ETS1: variants seen among roughly 807,000 people sequenced by gnomAD.
ETS1 encodes the protein ETS proto-oncogene 1, transcription factor.
ETS1 carries 15 observed loss-of-function variants against 58.6 expected under a neutral mutation model. That is an observed-to-expected ratio of 0.26 (90% confidence interval 0.17 to 0.39). The LOEUF (loss-of-function observed/expected upper bound fraction) is 0.39. ETS1 is among the 10% of genes least tolerant of loss of function. The pLI, the probability that ETS1 is intolerant of heterozygous loss-of-function variation, is 1.00. For missense variants in ETS1, 417 were observed against 610.5 expected (o/e 0.68, Z 3.34); for synonymous variants, 214 against 218.2 (o/e 0.98, Z 0.17).
At chr11:128,568,385 G>A (rs1864549879) in intron 2 of ETS1, among the ~76,000 whole-genome samples, 1 of 152,258 alleles carries the variant, frequency 6.6e-6, no homozygotes, top group Non-Finnish European at 1.5e-5. Context: ...AAAGTACTGG[G>A]CTTGCAAGGG....
intron 3 of ETS1, among the ~76,000 whole-genome samples, chr11:128,511,396 A>T (rs1178047324): frequency 1.3e-5 from 2 of 152,218 alleles, no homozygotes; most frequent in Non-Finnish European, 2.9e-5. Context: ...AACCTATAGG[A>T]TCATTCACAC....
chr11:128,585,124 GAA>G (rs778997535), intron 1 of ETS1, among the ~76,000 whole-genome samples: 77 of 6,448 alleles, frequency 0.012, 12 homozygotes, highest in African/African-American at 0.048. Context: ...AGGAAAGAAA[GAA>G]GAAAGAAAGA....
rs1052771049 is a variant in ETS1 at position 128,584,999 on chromosome 11, G to A, written c.-15+2489C>T. ...GAAAGAAAGAAAGAAAGGAAGGAAGGAAGGAAAGAAAGGAAAGAAAGAAGA... is the reference window on the plus strand; with the variant it reads ...GAAAGAAAGAAAGAAAGGAAGGAAGAAAGGAAAGAAAGGAAAGAAAGAAGA... On this transcript the variant is annotated intron_variant, in intron 1 of 9. Coordinates refer to ENST00000392668, the MANE Select transcript of ETS1 (RefSeq NM_001143820.2). Among the ~76,000 whole-genome samples the A allele has an allele frequency of 2.1e-3, 84 of 39,568 alleles. 4 individuals are homozygous for A. Among genetic ancestry groups the A allele is most frequent in the Non-Finnish European group, 2.4e-3 (53 of 21,810 alleles). The allele number at this position is 39,568 out of a possible 152,430, so 26.0% of individuals were successfully genotyped here. A position where few individuals can be genotyped will look rare whatever the true frequency, so the allele number is the denominator to read the frequency against.
At chr11:128,581,356 A>C (rs1184708219) in intron 1 of ETS1, among the ~76,000 whole-genome samples, 2 of 152,204 alleles carry the variant, frequency 1.3e-5, no homozygotes, top group African/African-American at 4.8e-5. Context: ...CCTGAAGATC[A>C]AAGGTAATAT....
At chr11:128,522,270 C>T in intron 3 of ETS1, 2 of 1,138,818 alleles carry the variant, frequency 1.8e-6, no homozygotes, top group Non-Finnish European at 2.2e-6. Context: ...TCGCCCGCTC[C>T]CTCCTCTCCG....
In ETS1 at chr11:128,463,660, C is replaced by T; in HGVS notation, c.1124-33G>A. On this transcript the variant is annotated intron_variant, in intron 8 of 9. Coordinates refer to ENST00000392668, the MANE Select transcript of ETS1 (RefSeq NM_001143820.2). This position sits in a 1 kb window ranked among gnomAD's most constrained non-coding sequence, Gnocchi z 4.1. ...CACAAGCCATTGTGAATCATTACAC[C>T]AGATATTCAGCACTCTACGCAGCTA... 1 of 1,180,816 alleles carries T rather than the reference C, an allele frequency of 8.5e-7. No homozygotes were observed. The highest frequency in any genetic ancestry group is 1.3e-6 in the Non-Finnish European group (1 of 785,318). 73.1% of individuals were successfully genotyped at this position (1,180,816 alleles called of 1,614,324 possible).
chr11:128,481,325 C>T (rs1422682514), intron 7 of ETS1, among the ~76,000 whole-genome samples: 2 of 151,580 alleles, frequency 1.3e-5, no homozygotes, highest in African/African-American at 4.9e-5. Flanking sequence ...CATGCAAGTT[C>T]ATTAATTTCC....
intron 8 of ETS1, among the ~76,000 whole-genome samples, chr11:128,469,259 T>A (rs745756085): frequency 2.3e-4 from 35 of 152,346 alleles, no homozygotes; most frequent in African/African-American, 3.1e-4. Context: ...TTTTAACCTA[T>A]GAAACTCTCA....
At chr11:128,522,599 C>CTGGGGCGGGA (rs1185141062) in intron 3 of ETS1, 3 of 155,496 alleles carry the variant, frequency 1.9e-5, no homozygotes, top group African/African-American at 7.2e-5. Flanking sequence ...GGAGCCCAGG[C>CTGGGGCGGGA]AGGGGCGGGA....
intron 1 of ETS1, among the ~76,000 whole-genome samples, chr11:128,581,875 A>C (rs1864877738): frequency 6.6e-6 from 1 of 152,198 alleles, no homozygotes; most frequent in African/African-American, 2.4e-5. Context: ...GAGATATTAC[A>C]AGAACAATGA....
Position 128,557,970 on chromosome 11 carries a change from A to T in ETS1, c.70-1535T>A, listed in dbSNP as rs12288842. On this transcript the variant is annotated intron_variant, in intron 2 of 9. Transcript: ENST00000392668. ...ATTTGCAATGGCCCATTCACTTAAG[A>T]TCAGTAAAAATAACAGAAGAGAATA... is the stretch of plus-strand genomic sequence containing the variant. 7.8e-3 allele frequency among the ~76,000 whole-genome samples: 1,195 copies of T among 152,312 alleles called. 18 individuals carry two copies. Among genetic ancestry groups the T allele is most frequent in the African/African-American group, 0.027 (1,133 of 41,566 alleles).
At position 128,508,068 on chromosome 11, in the gene ETS1, T is replaced by C. The variant is rs578229922; in HGVS notation, c.215-17492A>G. Among the ~76,000 whole-genome samples the C allele has an allele frequency of 1.1e-4, 17 of 152,364 alleles. No individual in the cohort carries two copies. The East Asian group carries it at 3.3e-3, about 29-fold the overall frequency. On this transcript the variant is annotated intron_variant, in intron 3 of 9. Transcript: ENST00000392668. ...AGCCCTAACTCACGTTCGGTAAGAA[T>C]GCGTGAGAGGCATTTGAAAATAATT...
chr11:128,574,750 A>C (rs1864708339), intron 1 of ETS1, among the ~76,000 whole-genome samples: 1 of 152,226 alleles, frequency 6.6e-6, no homozygotes. Context: ...TTTTACTCTT[A>C]GAATCAAGTT....
At chr11:128,537,237 T>C (rs1863983964) in intron 3 of ETS1, among the ~76,000 whole-genome samples, 1 of 152,164 alleles carries the variant, frequency 6.6e-6, no homozygotes, top group Non-Finnish European at 1.5e-5. Context: ...CATTTGTTGG[T>C]TTTTTTAATT....
intron 7 of ETS1, among the ~76,000 whole-genome samples, chr11:128,482,563 T>C (rs1862514771): frequency 6.6e-6 from 1 of 152,198 alleles, no homozygotes; most frequent in Admixed American, 6.5e-5. Flanking sequence ...AACCAGTCTC[T>C]GGCAACCCCC....
chr11:128,585,757 C>A (rs993045668), intron 1 of ETS1, among the ~76,000 whole-genome samples: 6 of 152,174 alleles, frequency 3.9e-5, no homozygotes, highest in Non-Finnish European at 7.3e-5. Context: ...GATTGCTCAC[C>A]TTTTAGAGAT....
intron 3 of ETS1, among the ~76,000 whole-genome samples, chr11:128,503,578 CTAAAA>C (rs1297749468): frequency 6.6e-6 from 1 of 152,188 alleles, no homozygotes; most frequent in Non-Finnish European, 1.5e-5. Context: ...ATTGGACCAC[CTAAAA>C]TAGACCAAAC....
intron 2 of ETS1, among the ~76,000 whole-genome samples, chr11:128,563,691 T>C (rs1251790611): frequency 6.6e-6 from 1 of 152,216 alleles, no homozygotes; most frequent in African/African-American, 2.4e-5. Context: ...GTCTGTGACA[T>C]ACAATGTGCC....
chr11:128,562,527 G>A (rs934124507), intron 2 of ETS1, among the ~76,000 whole-genome samples: 6 of 152,188 alleles, frequency 3.9e-5, no homozygotes, highest in East Asian at 1.9e-4. Context: ...GTGGTGAGCC[G>A]TGGAGGAAAC....
Sources: gnomAD v4.1 joint callset for allele counts (sites outside exome capture counted in the v4.1 genomes callset) on GRCh38, gnomAD v4.1.1 for gene constraint, Gnocchi (gnomAD v3.1) non-coding constraint, MANE v1.5 for transcripts, NCBI Gene and HGNC (gene_info 2026-07-23, HGNC 2026-07-21) for gene names.